CREB5: variants seen among roughly 807,000 people sequenced by gnomAD.
The protein encoded by CREB5 is cAMP responsive element binding protein 5.
Under a neutral mutation model 57.1 loss-of-function variants are expected in CREB5, and 19 were observed. The observed-to-expected ratio is 0.33, with a 90% CI of 0.23 to 0.49. The LOEUF is 0.49. CREB5 is among the 20% of genes least tolerant of loss of function. The pLI is 0.99. For missense variants in CREB5, 579 were observed against 671.6 expected (o/e 0.86, Z 1.52); for synonymous variants, 238 against 238.3 (o/e 1.00, Z 0.01).
At chr7:28,352,697 T>C (rs1385925262) in intron 1 of CREB5, among the ~76,000 whole-genome samples, 1 of 152,166 alleles carries the variant, frequency 6.6e-6, no homozygotes, top group Non-Finnish European at 1.5e-5. Flanking sequence ...TGGCATCTCG[T>C]TTTCTTTATA....
intron 5 of CREB5, among the ~76,000 whole-genome samples, chr7:28,707,986 C>A (rs1360662844): frequency 1.3e-5 from 2 of 152,174 alleles, no homozygotes; most frequent in East Asian, 1.9e-4. Context: ...TTCTCTGGAA[C>A]CTTCTCCAAA....
intron 4 of CREB5, among the ~76,000 whole-genome samples, chr7:28,545,314 G>A (rs1037880406): frequency 6.6e-6 from 1 of 152,206 alleles, no homozygotes; most frequent in Non-Finnish European, 1.5e-5. Context: ...CCTGGAACTT[G>A]GGGATCGCAT....
intron 1 of CREB5, among the ~76,000 whole-genome samples, chr7:28,320,434 AC>A (rs1360979126): frequency 1.3e-5 from 2 of 152,182 alleles, no homozygotes; most frequent in East Asian, 3.9e-4. Context: ...GGAAAGAAAC[AC>A]CTATAAGAAC....
chr7:28,483,969 A>C (rs2128591267), intron 1 of CREB5, among the ~76,000 whole-genome samples: 1 of 152,288 alleles, frequency 6.6e-6, no homozygotes, highest in Non-Finnish European at 1.5e-5. Context: ...AGGAGTAGAG[A>C]ATGGGCAAGC....
At chr7:28,718,199 C>G (rs948506396) in intron 5 of CREB5, among the ~76,000 whole-genome samples, 1 of 152,206 alleles carries the variant, frequency 6.6e-6, no homozygotes, top group East Asian at 1.9e-4. Context: ...CACCAGGATC[C>G]GGCTTCTTTG....
chr7:28,526,836 A>G (rs1274912663), intron 4 of CREB5, among the ~76,000 whole-genome samples: 1 of 152,190 alleles, frequency 6.6e-6, no homozygotes, highest in Non-Finnish European at 1.5e-5. Flanking sequence ...ACTGAATGGT[A>G]TAATCATTCA....
rs567429369 is a variant in CREB5, at chr7:28,492,805, T to C, written c.76-2101T>C. Among the ~76,000 whole-genome samples, 110 of 150,848 alleles carry C rather than the reference T, an allele frequency of 7.3e-4. 1 individual carries two copies. Among genetic ancestry groups the C allele is most frequent in the Middle Eastern group, 3.5e-3 (1 of 284 alleles). ...AGTATATTTGTGTTATATACGCATA[T>C]AAAACAAAAATTATAATTAGTTGTT... On this transcript the variant is annotated intron_variant, in intron 2 of 10. Coordinates refer to ENST00000357727, the MANE Select transcript of CREB5 (RefSeq NM_182898.4).
At chr7:28,568,706 G>A (rs974078157) in intron 4 of CREB5, among the ~76,000 whole-genome samples, 3 of 152,130 alleles carry the variant, frequency 2.0e-5, no homozygotes, top group Admixed American at 6.5e-5. Context: ...GACACAGTAG[G>A]CTCACAGTCT....
At chr7:28,587,910 T>G (rs1796359770) in intron 5 of CREB5, among the ~76,000 whole-genome samples, 1 of 152,212 alleles carries the variant, frequency 6.6e-6, no homozygotes, top group African/African-American at 2.4e-5. Context: ...TCCCATTTCC[T>G]GACTGCTTTT....
intron 5 of CREB5, among the ~76,000 whole-genome samples, chr7:28,691,450 T>G (rs770631016): frequency 2.0e-5 from 3 of 151,932 alleles, no homozygotes; most frequent in Non-Finnish European, 1.5e-5. Flanking sequence ...AAGTTTGTAT[T>G]TGCAATAGCA....
At chr7:28,460,316 T>A (rs1483893417) in intron 1 of CREB5, among the ~76,000 whole-genome samples, 2 of 152,208 alleles carry the variant, frequency 1.3e-5, no homozygotes, top group Non-Finnish European at 2.9e-5. Context: ...AGACATACCA[T>A]ATCTAATTGC....
intron 1 of CREB5, among the ~76,000 whole-genome samples, chr7:28,481,785 G>C (rs1384966188): frequency 6.6e-6 from 1 of 152,110 alleles, no homozygotes; most frequent in African/African-American, 2.4e-5. Flanking sequence ...CAGACAGACA[G>C]ACATAAGGAG....
At chr7:28,314,616 A>G (rs1785340598) in intron 1 of CREB5, among the ~76,000 whole-genome samples, 1 of 152,208 alleles carries the variant, frequency 6.6e-6, no homozygotes, top group Admixed American at 6.5e-5. Flanking sequence ...CTGATGACCA[A>G]GACATGCCAG....
chr7:28,348,400 TCTCTCTCTCACACACACA>T (rs1188065052), intron 1 of CREB5, among the ~76,000 whole-genome samples: 916 of 33,504 alleles, frequency 0.027, 8 homozygotes, highest in Non-Finnish European at 0.045. Context: ...TCTCTCTGTC[TCTCTCTCTCACACACACA>T]CACACACACA....
chr7:28,672,683 G>C (rs1265880676), intron 5 of CREB5, among the ~76,000 whole-genome samples: 1 of 152,088 alleles, frequency 6.6e-6, no homozygotes, highest in Non-Finnish European at 1.5e-5. Flanking sequence ...TACTGGATGA[G>C]ACCTCCCCTA....
chr7:28,347,648 G>A (rs1186180092), intron 1 of CREB5, among the ~76,000 whole-genome samples: 1 of 152,106 alleles, frequency 6.6e-6, no homozygotes, highest in Admixed American at 6.6e-5. Context: ...ACCCCAGAGT[G>A]TCCAGGTTTC....
intron 5 of CREB5, among the ~76,000 whole-genome samples, chr7:28,643,213 A>G (rs188383407): frequency 1.3e-5 from 2 of 152,320 alleles, no homozygotes; most frequent in East Asian, 1.9e-4. Flanking sequence ...CTAAGAATTC[A>G]TAAACAGAGT....
intron 1 of CREB5, chr7:28,299,489 T>C (rs978837314): frequency 1.3e-5 from 2 of 152,176 alleles, no homozygotes; most frequent in Non-Finnish European, 2.9e-5. Flanking sequence ...TAATTAAGAT[T>C]GAATAAATTA....
At chr7:28,644,901 C>T (rs139817300) in intron 5 of CREB5, among the ~76,000 whole-genome samples, 1 of 152,234 alleles carries the variant, frequency 6.6e-6, no homozygotes, top group Non-Finnish European at 1.5e-5. Flanking sequence ...TTTTATTTAG[C>T]ACACAAAATC....
Sources: allele counts gnomAD v4.1 joint callset (sites outside exome capture counted in the v4.1 genomes callset), GRCh38; gene constraint gnomAD v4.1.1; transcripts MANE v1.5; gene names NCBI Gene and HGNC (gene_info 2026-07-23, HGNC 2026-07-21).